PHTF2: variants seen among roughly 807,000 people sequenced by gnomAD.
PHTF2 encodes protein PHTF2.
A neutral mutation model predicts 101.2 loss-of-function variants in PHTF2; 60 were observed. That is an observed-to-expected ratio of 0.59 (90% CI 0.48 to 0.73). The LOEUF (loss-of-function observed/expected upper bound fraction) is 0.73, where lower values mean the gene tolerates loss of function less well. Among genes scored for constraint, PHTF2 ranks in the 30% least tolerant of loss-of-function variants. PHTF2 has a pLI of 0.00. For synonymous variants in PHTF2, 311 were observed against 307.3 expected, an observed-to-expected ratio of 1.01 and a Z score of -0.13; for missense variants, 747 against 908.7, an observed-to-expected ratio of 0.82 and a Z score of 2.29.
chr7:77,910,221 C>T lies in PHTF2; in HGVS notation c.612-24C>T, dbSNP rs1274384427. 1.9e-6 allele frequency: 3 copies of T among 1,587,310 alleles called. No individual in the cohort carries two copies. In the East Asian group the frequency reaches 6.7e-5, roughly 36 times the overall value. On this transcript the variant is annotated intron_variant, in intron 8 of 19. Transcript: ENST00000416283. ...TTATTAAAATATTAAAGCTGCCTTC[C>T]ATTCTTAATCTCTTCTGATGAAGGA...
At chr7:77,847,233 G>A (rs1416947031) in intron 2 of PHTF2, among the ~76,000 whole-genome samples, 1 of 152,120 alleles carries the variant, frequency 6.6e-6, no homozygotes, top group African/African-American at 2.4e-5. Flanking sequence ...CTCTTGCCTT[G>A]GCTGGTTATA....
chr7:77,933,519 CTG>C (rs1198214957), intron 12 of PHTF2, among the ~76,000 whole-genome samples: 1 of 152,200 alleles, frequency 6.6e-6, no homozygotes, highest in Non-Finnish European at 1.5e-5. Context: ...TAGGGTGTGG[CTG>C]TGGGAGTAGC....
chr7:77,817,757 A>G (rs530543731), intron 1 of PHTF2, among the ~76,000 whole-genome samples: 3 of 152,156 alleles, frequency 2.0e-5, no homozygotes, highest in Non-Finnish European at 4.4e-5. Flanking sequence ...CTTTTGAGAA[A>G]TGTCTTTAGA....
At chr7:77,906,956 A>G (rs553978450) in intron 7 of PHTF2, among the ~76,000 whole-genome samples, 8 of 145,714 alleles carry the variant, frequency 5.5e-5, no homozygotes, top group Non-Finnish European at 1.1e-4. Context: ...AAAAAAAGCT[A>G]CTATTCACCA....
intron 1 of PHTF2, among the ~76,000 whole-genome samples, chr7:77,828,885 A>G (rs189715018): frequency 1.2e-3 from 175 of 152,162 alleles, no homozygotes; most frequent in African/African-American, 4.0e-3. Flanking sequence ...ATAAAATTAT[A>G]ACTCTAGGCT....
chr7:77,904,985 T>C (rs1027557673), intron 7 of PHTF2, among the ~76,000 whole-genome samples: 4 of 152,172 alleles, frequency 2.6e-5, no homozygotes, highest in Non-Finnish European at 5.9e-5. Context: ...TAAAACCTTA[T>C]GAGATTTTTT....
intron 3 of PHTF2, among the ~76,000 whole-genome samples, chr7:77,879,126 C>T (rs1799191160): frequency 6.6e-6 from 1 of 152,220 alleles, no homozygotes; most frequent in South Asian, 2.1e-4. Context: ...ATCTTACAGA[C>T]ATTGGTCCTT....
intron 13 of PHTF2, 97 bp from the exon 13 acceptor site, chr7:77,939,933 C>A: frequency 1.1e-6 from 1 of 893,722 alleles, no homozygotes; most frequent in East Asian, 2.7e-5. Context: ...TATATTTTAA[C>A]AAATGATTTC....
chr7:77,925,959 G>A (rs562013894), intron 11 of PHTF2, among the ~76,000 whole-genome samples: 2 of 151,940 alleles, frequency 1.3e-5, no homozygotes, highest in Non-Finnish European at 2.9e-5. Context: ...GGGAGGCTGT[G>A]GCAGGAGAAT....
At chr7:77,948,612 GA>G (rs1026689366) in intron 16 of PHTF2, among the ~76,000 whole-genome samples, 1 of 151,754 alleles carries the variant, frequency 6.6e-6, no homozygotes, top group African/African-American at 2.4e-5. Context: ...CAACATACTA[GA>G]AAAAAAGTGG....
intron 3 of PHTF2, among the ~76,000 whole-genome samples, chr7:77,877,007 C>T (rs1268492083): frequency 2.0e-5 from 3 of 151,780 alleles, no homozygotes; most frequent in Non-Finnish European, 4.4e-5. Flanking sequence ...TTAAATAGAA[C>T]TTGGGTATTT....
At chr7:77,910,794 A>G (rs1802318267) in intron 9 of PHTF2, among the ~76,000 whole-genome samples, 1 of 152,076 alleles carries the variant, frequency 6.6e-6, no homozygotes, top group Non-Finnish European at 1.5e-5. Flanking sequence ...GGCACGTGCC[A>G]CCACACCTGG....
At chr7:77,848,484 C>T (rs1052219004) in intron 2 of PHTF2, among the ~76,000 whole-genome samples, 1 of 152,136 alleles carries the variant, frequency 6.6e-6, no homozygotes, top group African/African-American at 2.4e-5. Context: ...TTTTCATATA[C>T]CTGTTTGCCA....
intron 1 of PHTF2, among the ~76,000 whole-genome samples, chr7:77,828,874 A>T (rs1794878789): frequency 6.6e-6 from 1 of 152,016 alleles, no homozygotes; most frequent in South Asian, 2.1e-4. Context: ...TCTCAAAAAA[A>T]ATAAAATTAT....
Position 77,893,971 on chromosome 7 carries a change from G to T in PHTF2, c.205-11G>T. The T allele has an allele frequency of 6.3e-7, 1 of 1,594,502 alleles. No homozygotes were observed. Among genetic ancestry groups the T allele is most frequent in the South Asian group, 1.1e-5 (1 of 90,606 alleles). ...TTTTCTCCCTTTTGATGCTGTCATT[G>T]CTCTGTACAGTTTATTAAACTGGTA... is the stretch of plus-strand genomic sequence containing the variant. On this transcript the variant is annotated splice_polypyrimidine_tract_variant and intron_variant, in intron 4 of 19. Transcript: ENST00000416283.
intron 1 of PHTF2, among the ~76,000 whole-genome samples, chr7:77,799,368 G>C (rs1271825667): frequency 6.6e-6 from 1 of 152,202 alleles, no homozygotes; most frequent in African/African-American, 2.4e-5. Flanking sequence ...AGGGCGTTCA[G>C]GGGTCTCGGG....
At chr7:77,860,406 A>T (rs1797542531) in intron 3 of PHTF2, among the ~76,000 whole-genome samples, 1 of 152,212 alleles carries the variant, frequency 6.6e-6, no homozygotes. Context: ...AACAATTTAA[A>T]GTGATTATGT....
At chr7:77,938,864 G>T (rs1016257024) in intron 13 of PHTF2, among the ~76,000 whole-genome samples, 1 of 152,154 alleles carries the variant, frequency 6.6e-6, no homozygotes, top group Admixed American at 6.5e-5. Flanking sequence ...AATTTCTTTG[G>T]TGCATTATTG....
chr7:77,807,352 TTCA>T (rs1189356297), intron 1 of PHTF2, among the ~76,000 whole-genome samples: 4 of 151,568 alleles, frequency 2.6e-5, no homozygotes, highest in African/African-American at 9.8e-5. Context: ...GTTCCACATC[TTCA>T]TCAATATTTA....
Sources: gnomAD v4.1 joint callset for allele counts (sites outside exome capture counted in the v4.1 genomes callset) on GRCh38, gnomAD v4.1.1 for gene constraint, MANE v1.5 for transcripts, NCBI Gene and HGNC (gene_info 2026-07-23, HGNC 2026-07-21) for gene names.